CHODL: variants seen among roughly 807,000 people sequenced by gnomAD.
CHODL encodes chondrolectin, also known as transmembrane protein MT75.
Under a neutral mutation model 34.5 loss-of-function variants are expected in CHODL, and 29 were observed. The observed-to-expected ratio is 0.84, with a 90% CI of 0.63 to 1.15. The LOEUF (loss-of-function observed/expected upper bound fraction) is 1.15, where lower values mean the gene tolerates loss of function less well. CHODL is among the 50% of genes most tolerant of loss of function. The probability of loss-of-function intolerance (pLI) is 0.00; values close to 1 mark genes in which losing one functional copy is unlikely to be tolerated. For synonymous variants in CHODL, 125 were observed against 116.1 expected (o/e 1.08, Z -0.49); for missense variants, 332 against 332.5 (o/e 1.00, Z 0.01).
intron 2 of CHODL, among the ~76,000 whole-genome samples, chr21:18,227,267 A>G (rs150549990): frequency 5.3e-4 from 80 of 152,294 alleles, no homozygotes; most frequent in African/African-American, 1.8e-3. Flanking sequence ...GGGGAGACAC[A>G]GACATTCAGA....
At chr21:17,922,467 A>G (rs1249640275) in intron 1 of CHODL, among the ~76,000 whole-genome samples, 1 of 152,226 alleles carries the variant, frequency 6.6e-6, no homozygotes, top group Non-Finnish European at 1.5e-5. Flanking sequence ...GATGAGGCTG[A>G]AGAATCAGAG....
chr21:18,264,100 A>AT (rs1223500586), intron 5 of CHODL, among the ~76,000 whole-genome samples: 1 of 152,142 alleles, frequency 6.6e-6, no homozygotes, highest in Non-Finnish European at 1.5e-5. Context: ...ATTAAGTAAT[A>AT]TTTTAAAAGG....
At chr21:18,083,150 G>A (rs553227022) in intron 2 of CHODL, among the ~76,000 whole-genome samples, 2 of 152,290 alleles carry the variant, frequency 1.3e-5, no homozygotes, top group African/African-American at 4.8e-5. Flanking sequence ...CTTGGGACAT[G>A]GCACCCTGTA....
chr21:18,235,894 A>G lies in CHODL; in HGVS notation c.-44-20615A>G, dbSNP rs149546463. Among the ~76,000 whole-genome samples the G allele has an allele frequency of 5.3e-3, 802 of 152,278 alleles. 5 individuals are homozygous for G. The highest frequency in any genetic ancestry group is 0.018 in the African/African-American group (762 of 41,558). ...ATTCTTATCATGTTCAGAAATGAATAGTTTTCTACCTTAGCATCATATAGA... is the reference window on the plus strand; with the variant it reads ...ATTCTTATCATGTTCAGAAATGAATGGTTTTCTACCTTAGCATCATATAGA... On this transcript the variant is annotated intron_variant, in intron 2 of 6. Transcript: ENST00000400127.
At chr21:18,097,813 A>C (rs1048767322) in intron 2 of CHODL, among the ~76,000 whole-genome samples, 1 of 152,134 alleles carries the variant, frequency 6.6e-6, no homozygotes, top group Admixed American at 6.6e-5. Context: ...CTTGACTTAA[A>C]ATTATGCTAT....
At chr21:18,121,677 G>A (rs2065481127) in intron 2 of CHODL, among the ~76,000 whole-genome samples, 2 of 152,138 alleles carry the variant, frequency 1.3e-5, no homozygotes, top group South Asian at 4.1e-4. Context: ...TCCTGAGTGA[G>A]GGGTGTTCGT....
At position 18,139,346 on chromosome 21, in the gene CHODL, T is replaced by A. The variant is rs180923789; in HGVS notation, c.-45+111375T>A. ...CCCATTGGAGGTAAAATTGACCTCA[T>A]GTTTTGAAAAAGTGATAAAAATAAG... On this transcript the variant is annotated intron_variant, in intron 2 of 6. Transcript: ENST00000400127. Among the ~76,000 whole-genome samples, 3 of 152,206 alleles carry A rather than the reference T, an allele frequency of 2.0e-5. No individual in the cohort carries two copies. In the East Asian group the frequency reaches 5.8e-4, roughly 30 times the overall value.
chr21:18,045,148 T>G (rs548561463), intron 2 of CHODL, among the ~76,000 whole-genome samples: 1 of 152,048 alleles, frequency 6.6e-6, no homozygotes, highest in Admixed American at 6.6e-5. Flanking sequence ...ATCTGGGACC[T>G]GAATAATGAG....
intron 2 of CHODL, among the ~76,000 whole-genome samples, chr21:18,186,329 C>T (rs965517891): frequency 2.5e-4 from 38 of 151,198 alleles, no homozygotes; most frequent in African/African-American, 8.3e-4. Context: ...CCAGGAGACA[C>T]GGCATAGGAC....
intron 2 of CHODL, among the ~76,000 whole-genome samples, chr21:18,158,402 A>C (rs1328013393): frequency 1.3e-5 from 2 of 152,216 alleles, no homozygotes; most frequent in Non-Finnish European, 2.9e-5. Flanking sequence ...GCGAGGTGTA[A>C]CACAGAAGCA....
At chr21:18,223,233 T>C (rs2073900780) in intron 2 of CHODL, among the ~76,000 whole-genome samples, 1 of 152,204 alleles carries the variant, frequency 6.6e-6, no homozygotes, top group Non-Finnish European at 1.5e-5. Flanking sequence ...TCCAGGCTAC[T>C]GTATCTCCAA....
intron 1 of CHODL, among the ~76,000 whole-genome samples, chr21:17,931,308 C>G (rs1025831809): frequency 1.3e-5 from 2 of 152,164 alleles, no homozygotes; most frequent in Non-Finnish European, 2.9e-5. Flanking sequence ...AAGCCCGATA[C>G]AAAACATGCT....
chr21:18,148,943 G>A (rs1409071117), intron 2 of CHODL, among the ~76,000 whole-genome samples: 3 of 151,158 alleles, frequency 2.0e-5, no homozygotes, highest in Non-Finnish European at 4.4e-5. Flanking sequence ...CTAACCATGG[G>A]ATAAAGATAC....
chr21:18,027,886 A>T (rs2064192748), exon 2 of CHODL: 1 of 152,580 alleles, frequency 6.6e-6, no homozygotes, highest in African/African-American at 2.4e-5. Context: ...CAACAAGAAG[A>T]TGCCCATCTG....
intron 1 of CHODL, among the ~76,000 whole-genome samples, chr21:17,963,941 CT>C (rs904660972): frequency 4.1e-4 from 62 of 151,792 alleles, no homozygotes; most frequent in African/African-American, 1.4e-3. Flanking sequence ...CTGTTAATGG[CT>C]TTTTTTTCTT....
chr21:18,058,410 T>C (rs1270725387), intron 2 of CHODL, among the ~76,000 whole-genome samples: 2 of 152,198 alleles, frequency 1.3e-5, no homozygotes, highest in Non-Finnish European at 2.9e-5. Flanking sequence ...CCCATGCTTA[T>C]TGCAGCACTA....
chr21:18,180,342 A>G (rs1035316487), intron 2 of CHODL, among the ~76,000 whole-genome samples: 9 of 152,200 alleles, frequency 5.9e-5, no homozygotes, highest in Admixed American at 2.6e-4. Context: ...GATGGGGTCC[A>G]CTATGTTGCC....
At chr21:18,095,488 C>A (rs935093732) in intron 2 of CHODL, among the ~76,000 whole-genome samples, 1 of 152,082 alleles carries the variant, frequency 6.6e-6, no homozygotes, top group Non-Finnish European at 1.5e-5. Flanking sequence ...ATACCAATAA[C>A]AAGTAATGAG....
chr21:18,160,870 AT>A (rs1354750133), intron 2 of CHODL, among the ~76,000 whole-genome samples: 1 of 152,152 alleles, frequency 6.6e-6, no homozygotes, highest in Non-Finnish European at 1.5e-5. Flanking sequence ...GCTGGGTTGG[AT>A]GGTATTTCTG....
Sources: allele counts gnomAD v4.1 joint callset (sites outside exome capture counted in the v4.1 genomes callset), GRCh38; gene constraint gnomAD v4.1.1; transcripts MANE v1.5; gene names NCBI Gene and HGNC (gene_info 2026-07-23, HGNC 2026-07-21).